Variants in ANKRD13C observed in about 807,000 individuals in gnomAD.
ANKRD13C encodes ankyrin repeat domain-containing protein 13C.
Under a neutral mutation model 65.5 loss-of-function variants are expected in ANKRD13C, and 16 were observed. That is an observed-to-expected ratio of 0.24 (90% CI 0.17 to 0.37). The LOEUF is 0.37. Ranked by LOEUF, ANKRD13C falls within the 10% of genes least tolerant of loss-of-function variation. The probability of loss-of-function intolerance (pLI) is 1.00; values close to 1 mark genes in which losing one functional copy is unlikely to be tolerated. For missense variants in ANKRD13C, 503 were observed against 655.9 expected, an observed-to-expected ratio of 0.77 and a Z score of 2.55; for synonymous variants, 235 against 238.7, an observed-to-expected ratio of 0.98 and a Z score of 0.14.
chr1:70,300,902 G>A lies in ANKRD13C; in HGVS notation c.783C>T (p.Asp261=). ...TGTCAGTAAAGTCTATGAGAGTTGT[G>A]TCAAGCCTGTGAAACATGGGTAGAT... ...IYKQGINIRL[D]TTLIDFTDMK... is the part of the protein sequence containing the mutation. The change falls in exon 7 of 13, where the codon GAC becomes GAT. Residue 261 remains aspartate, a synonymous_variant. Transcript: ENST00000370944. The A allele has an allele frequency of 6.2e-7, 1 of 1,608,438 alleles. No homozygotes were observed. The highest frequency in any genetic ancestry group is 1.1e-5 in the South Asian group (1 of 89,344).
At chr1:70,341,661 C>A (rs1682317821) in intron 1 of ANKRD13C, among the ~76,000 whole-genome samples, 1 of 151,918 alleles carries the variant, frequency 6.6e-6, no homozygotes, top group Non-Finnish European at 1.5e-5. Context: ...CCAGCCCAGC[C>A]CCTTTTTGTG....
At chr1:70,323,799 A>G (rs1018728647) in intron 3 of ANKRD13C, among the ~76,000 whole-genome samples, 1 of 146,662 alleles carries the variant, frequency 6.8e-6, no homozygotes, top group Non-Finnish European at 1.5e-5. Context: ...ATCTCGGCTC[A>G]CTGCAACCTC....
At chr1:70,299,582 T>C (rs1243776759) in intron 7 of ANKRD13C, among the ~76,000 whole-genome samples, 2 of 152,014 alleles carry the variant, frequency 1.3e-5, no homozygotes, top group Non-Finnish European at 2.9e-5. Flanking sequence ...AATGAGACAT[T>C]AAGGAGAAAG....
chr1:70,269,085 T>C (rs1253545606), intron 12 of ANKRD13C, among the ~76,000 whole-genome samples: 1 of 149,418 alleles, frequency 6.7e-6, no homozygotes, highest in African/African-American at 2.5e-5. Flanking sequence ...AGTTGTGTTT[T>C]TTATCCTAAA....
At chr1:70,278,894 TAACG>T (rs1679258624) in intron 9 of ANKRD13C, among the ~76,000 whole-genome samples, 2 of 152,020 alleles carry the variant, frequency 1.3e-5, no homozygotes, top group Non-Finnish European at 2.9e-5. Flanking sequence ...TTAATGGAGA[TAACG>T]TATATAAAAA....
At chr1:70,295,838 AT>A (rs1240477215) in intron 8 of ANKRD13C, among the ~76,000 whole-genome samples, 1 of 152,194 alleles carries the variant, frequency 6.6e-6, no homozygotes, top group East Asian at 1.9e-4. Context: ...AGCACTAGAA[AT>A]ATAATGGAAT....
At chr1:70,298,558 A>G (rs1012441953) in intron 7 of ANKRD13C, among the ~76,000 whole-genome samples, 2 of 152,058 alleles carry the variant, frequency 1.3e-5, no homozygotes, top group African/African-American at 4.8e-5. Context: ...TACCCTTAAT[A>G]CCAGTTCTTT....
chr1:70,329,821 G>A (rs963430227), intron 2 of ANKRD13C, among the ~76,000 whole-genome samples: 239 of 151,966 alleles, frequency 1.6e-3, no homozygotes, highest in African/African-American at 5.3e-3. Context: ...GGCCAGGCAC[G>A]GTGGCTCACG....
In ANKRD13C at chr1:70,276,814, G is replaced by A; in HGVS notation, c.1246C>T (p.Pro416Ser). The change falls in exon 10 of 13, where the codon CCT (proline) becomes TCT (serine). Residue 416 changes from proline to serine, a missense_variant. Pro to Ser is a moderately conservative substitution (Grantham distance 74). Around this residue, in one of 2 missense-constraint regions of ANKRD13C, gnomAD observed 300 missense variants for 478.3 expected, o/e 0.63. Transcript: ENST00000370944. The part of the protein sequence containing the change: ...PIRRQSLTPP[P>S]QNTITWEEYI... ...TCTTCCCATGTAATAGTGTTCTGAGGAGGAGGTGTAAGAGACTGTCTTCGA... is the reference window on the plus strand; with the variant it reads ...TCTTCCCATGTAATAGTGTTCTGAGAAGGAGGTGTAAGAGACTGTCTTCGA... 2.5e-6 allele frequency: 4 copies of A among 1,604,876 alleles called. No homozygotes were observed. Among genetic ancestry groups the A allele is most frequent in the South Asian group, 2.3e-5 (2 of 88,464 alleles).
chr1:70,307,046 G>A (rs986211058), intron 5 of ANKRD13C, among the ~76,000 whole-genome samples: 1 of 152,086 alleles, frequency 6.6e-6, no homozygotes, highest in Non-Finnish European at 1.5e-5. Flanking sequence ...CCATATCAGA[G>A]GTACATGTGT....
intron 9 of ANKRD13C, among the ~76,000 whole-genome samples, chr1:70,283,127 TAA>T (rs1389684428): frequency 6.6e-6 from 1 of 152,200 alleles, no homozygotes; most frequent in African/African-American, 2.4e-5. Context: ...CTTTCTAGTT[TAA>T]GTTTAAATTA....
chr1:70,338,400 ATT>A (rs887429606), intron 1 of ANKRD13C, among the ~76,000 whole-genome samples: 18 of 151,768 alleles, frequency 1.2e-4, no homozygotes, highest in African/African-American at 4.1e-4. Flanking sequence ...TTTAAGAACA[ATT>A]TTTGTGTGTG....
At chr1:70,306,960 G>A (rs1680612796) in intron 5 of ANKRD13C, among the ~76,000 whole-genome samples, 2 of 152,072 alleles carry the variant, frequency 1.3e-5, no homozygotes, top group South Asian at 2.1e-4. Context: ...AAATAAAGCT[G>A]CATAACAGGC....
chr1:70,307,355 G>A (rs1382391412), intron 5 of ANKRD13C, among the ~76,000 whole-genome samples: 1 of 151,530 alleles, frequency 6.6e-6, no homozygotes, highest in Non-Finnish European at 1.5e-5. Flanking sequence ...TGGGCAACAT[G>A]GCGAAACCCC....
chr1:70,262,570 C>T lies in ANKRD13C; in HGVS notation c.*147G>A. ...CTCGCTGAAATTCTTATTAGAGGCC[C>T]ATTTCACTGTATCGTATTACTGATG... On this transcript the variant is annotated 3_prime_UTR_variant, in exon 13 of 13. Coordinates refer to ENST00000370944, the MANE Select transcript of ANKRD13C (RefSeq NM_030816.5). The T allele has an allele frequency of 1.2e-6, 1 of 826,240 alleles. No individual in the cohort carries two copies. The highest frequency in any genetic ancestry group is 3.3e-5 in the South Asian group (1 of 30,448). 51.2% of individuals were successfully genotyped at this position (826,240 alleles called of 1,614,324 possible).
At chr1:70,283,379 A>T (rs1679480304) in intron 9 of ANKRD13C, among the ~76,000 whole-genome samples, 4 of 152,166 alleles carry the variant, frequency 2.6e-5, no homozygotes, top group Admixed American at 2.0e-4. Context: ...AAAACTTCTG[A>T]TGACTATTTT....
chr1:70,322,549 C>T (rs1418006135), intron 3 of ANKRD13C, among the ~76,000 whole-genome samples: 1 of 152,132 alleles, frequency 6.6e-6, no homozygotes, highest in Non-Finnish European at 1.5e-5. Flanking sequence ...TGTTAAATAT[C>T]CTTTAACTAA....
chr1:70,353,971 C>G lies in ANKRD13C; in HGVS notation c.430+8G>C. 2 of 1,522,996 alleles carry G rather than the reference C, an allele frequency of 1.3e-6. No homozygotes were observed. The highest frequency in any genetic ancestry group is 1.8e-6 in the Non-Finnish European group (2 of 1,134,762). The allele number at this position is 1,522,996 out of a possible 1,614,324, so 94.3% of individuals were successfully genotyped here. ...GGAGAGAGGTGGAGAGGGGCTAGCACTCCTCACCGTGATTATCTTTCTGCC... is the reference window on the plus strand; with the variant it reads ...GGAGAGAGGTGGAGAGGGGCTAGCAGTCCTCACCGTGATTATCTTTCTGCC... On this transcript the variant is annotated splice_region_variant and intron_variant, in intron 1 of 12. Coordinates refer to ENST00000370944, the MANE Select transcript of ANKRD13C (RefSeq NM_030816.5).
At chr1:70,300,733 T>G (rs1680314853) in intron 7 of ANKRD13C, 31 bp downstream of exon 7, 1 of 1,529,684 alleles carries the variant, frequency 6.5e-7, no homozygotes, top group South Asian at 1.3e-5. Context: ...TTTAATGATT[T>G]AAAGGAATAT....
Sources: allele counts gnomAD v4.1 joint callset (sites outside exome capture counted in the v4.1 genomes callset), GRCh38; gene constraint gnomAD v4.1.1; regional missense constraint gnomAD v4.1.1; transcripts MANE v1.5; gene names NCBI Gene and HGNC (gene_info 2026-07-23, HGNC 2026-07-21).